PRSS12: variants seen among roughly 807,000 people sequenced by gnomAD.
PRSS12 encodes the protein serine protease 12, also known as neurotrypsin.
Under a neutral mutation model 104.4 loss-of-function variants are expected in PRSS12, and 85 were observed. That is an observed-to-expected ratio of 0.81 (90% CI 0.68 to 0.98). The LOEUF is 0.98. Among genes scored for constraint, PRSS12 ranks in the 50% least tolerant of loss-of-function variants. PRSS12 has a pLI of 0.00. For missense variants in PRSS12, 1,141 were observed against 1,139.2 expected (o/e 1.00, Z -0.02); for synonymous variants, 454 against 425.2 (o/e 1.07, Z -0.83).
chr4:118,299,585 C>T (rs1275869267), intron 8 of PRSS12, among the ~76,000 whole-genome samples: 1 of 151,582 alleles, frequency 6.6e-6, no homozygotes, highest in East Asian at 1.9e-4. Flanking sequence ...GAGGCTGAGG[C>T]AGGAGAATCA....
chr4:118,283,167 C>A, intron 11 of PRSS12, 56 bp from the exon 12 acceptor site: 1 of 1,588,400 alleles, frequency 6.3e-7, no homozygotes, highest in South Asian at 1.1e-5. Context: ...AAATTATTGT[C>A]AAGAAGGAAG....
chr4:118,323,871 ATGTG>A (rs113327232), intron 4 of PRSS12, among the ~76,000 whole-genome samples: 2 of 151,076 alleles, frequency 1.3e-5, no homozygotes, highest in African/African-American at 4.9e-5. Flanking sequence ...TTATATAAAT[ATGTG>A]TGTGTGTGTG....
chr4:118,321,344 A>T (rs1723613831), intron 4 of PRSS12, among the ~76,000 whole-genome samples: 1 of 152,200 alleles, frequency 6.6e-6, no homozygotes, highest in Non-Finnish European at 1.5e-5. Flanking sequence ...AATCATGTAT[A>T]AATATTTGTA....
intron 2 of PRSS12, among the ~76,000 whole-genome samples, chr4:118,337,150 A>C (rs1724082959): frequency 6.6e-6 from 1 of 152,196 alleles, no homozygotes; most frequent in African/African-American, 2.4e-5. Flanking sequence ...GTAAGACAAG[A>C]GAAATCTGGT....
chr4:118,316,165 T>C lies in PRSS12; in HGVS notation c.1292+17A>G, dbSNP rs747226317. The C allele has an allele frequency of 3.1e-6, 5 of 1,613,758 alleles. No homozygotes were observed. The South Asian group carries it at 3.3e-5, about 11-fold the overall frequency. On this transcript the variant is annotated intron_variant, in intron 6 of 12. Transcript: ENST00000296498. The stretch of plus-strand genomic sequence containing the variant: ...ATAATCTGGCATTTAACTGCCTTTA[T>C]AATTAATGAACCTTACTTAAATCCC...
Position 118,295,771 on chromosome 4 carries a change from C to G in PRSS12, c.1916+7G>C. ...ATATAAAAAATCTCTTTTGGAGGAACATTTACCTTAAAGAATTTTTCCCAC... is the reference window on the plus strand; with the variant it reads ...ATATAAAAAATCTCTTTTGGAGGAAGATTTACCTTAAAGAATTTTTCCCAC... On this transcript the variant is annotated splice_region_variant and intron_variant, in intron 10 of 12. Coordinates refer to ENST00000296498, the MANE Select transcript of PRSS12 (RefSeq NM_003619.4). 1 of 1,609,388 alleles carries G rather than the reference C, an allele frequency of 6.2e-7. No homozygotes were observed. Among genetic ancestry groups the G allele is most frequent in the Non-Finnish European group, 8.5e-7 (1 of 1,175,692 alleles).
intron 7 of PRSS12, among the ~76,000 whole-genome samples, chr4:118,311,272 AG>A (rs1743717981): frequency 6.6e-6 from 1 of 152,126 alleles, no homozygotes; most frequent in Non-Finnish European, 1.5e-5. Flanking sequence ...TTACTAATCT[AG>A]AATACTGCTT....
Position 118,282,988 on chromosome 4 carries a change from G to T in PRSS12, c.2163C>A (p.Asp721Glu). 6.2e-7 allele frequency: 1 copy of T among 1,614,142 alleles called. No individual in the cohort carries two copies. The highest frequency in any genetic ancestry group is 1.1e-5 in the South Asian group (1 of 91,080). Residue 721 changes from aspartate to glutamate, a missense_variant, in exon 12 of 13, where the codon GAC becomes GAA. Coordinates refer to ENST00000296498, the MANE Select transcript of PRSS12 (RefSeq NM_003619.4). Reference protein sequence around the residue: ...QIVIHREYRPDRSDYDIALVR... With the variant: ...QIVIHREYRPERSDYDIALVR... ...CCAGGGCTATGTCATAATCACTGCG[G>T]TCGGGTCGATACTCCCGATGAATCA...
At chr4:118,316,369 A>C in intron 5 of PRSS12, 46 bp from the exon 6 acceptor site, 1 of 1,611,204 alleles carries the variant, frequency 6.2e-7, no homozygotes, top group Non-Finnish European at 8.5e-7. Flanking sequence ...CAACTTTCAA[A>C]AAAAGGCAAA....
intron 7 of PRSS12, among the ~76,000 whole-genome samples, chr4:118,311,088 T>C (rs1743710887): frequency 6.6e-6 from 1 of 152,096 alleles, no homozygotes; most frequent in East Asian, 1.9e-4. Flanking sequence ...TTAAGCCTAA[T>C]TTTATACTGT....
At chr4:118,284,842 G>A (rs1203880715) in intron 11 of PRSS12, among the ~76,000 whole-genome samples, 4 of 152,132 alleles carry the variant, frequency 2.6e-5, no homozygotes, top group African/African-American at 4.8e-5. Context: ...GGGGAAGCAC[G>A]CATGTAACAA....
At chr4:118,325,744 C>T (rs746510257) in intron 4 of PRSS12, among the ~76,000 whole-genome samples, 2 of 152,076 alleles carry the variant, frequency 1.3e-5, no homozygotes, top group Non-Finnish European at 2.9e-5. Flanking sequence ...CTCTGTCCTT[C>T]ATGGAAATTA....
chr4:118,342,320 A>G (rs1363857429), intron 1 of PRSS12, among the ~76,000 whole-genome samples: 2 of 152,156 alleles, frequency 1.3e-5, no homozygotes, highest in South Asian at 2.1e-4. Context: ...ATATTGTTCA[A>G]TTGTCCAATT....
At chr4:118,292,074 A>G (rs1037784837) in intron 11 of PRSS12, among the ~76,000 whole-genome samples, 6 of 151,934 alleles carry the variant, frequency 3.9e-5, no homozygotes, top group Admixed American at 3.9e-4. Flanking sequence ...TTTTTTTTAG[A>G]AGAAATTTTT....
At chr4:118,299,775 A>AAAATAAAATAAAATAAAATAAAAT (rs1560768404) in intron 8 of PRSS12, among the ~76,000 whole-genome samples, 15 of 61,680 alleles carry the variant, frequency 2.4e-4, no homozygotes, top group South Asian at 6.1e-4. Flanking sequence ...TAAATAAAAT[A>AAAATAAAATAAAATAAAATAAAAT]AAATAAAATA....
At chr4:118,316,067 G>T in intron 6 of PRSS12, 115 bp downstream of exon 6, 1 of 1,144,644 alleles carries the variant, frequency 8.7e-7, no homozygotes, top group Non-Finnish European at 1.3e-6. Flanking sequence ...CCATACACAG[G>T]TAGGAGAGAA....
At chr4:118,298,360 AT>A (rs1301289542) in intron 9 of PRSS12, among the ~76,000 whole-genome samples, 2 of 152,094 alleles carry the variant, frequency 1.3e-5, no homozygotes, top group Non-Finnish European at 2.9e-5. Flanking sequence ...AATGCCTTTA[AT>A]TCATTTCTAT....
At chr4:118,322,673 G>A (rs1401118938) in intron 4 of PRSS12, among the ~76,000 whole-genome samples, 1 of 152,002 alleles carries the variant, frequency 6.6e-6, no homozygotes, top group Non-Finnish European at 1.5e-5. Flanking sequence ...CTGAGTTACT[G>A]AAATGTATTA....
intron 11 of PRSS12, 107 bp from the exon 12 acceptor site, chr4:118,283,218 CT>C: frequency 7.2e-7 from 1 of 1,396,120 alleles, no homozygotes; most frequent in Middle Eastern, 2.3e-4. Context: ...TCATCAGCCC[CT>C]TTTGTAAATT....
Sources: allele counts gnomAD v4.1 joint callset (sites outside exome capture counted in the v4.1 genomes callset), GRCh38; gene constraint gnomAD v4.1.1; transcripts MANE v1.5; gene names NCBI Gene and HGNC (gene_info 2026-07-23, HGNC 2026-07-21).